SLC14A2: variants seen among roughly 807,000 people sequenced by gnomAD.
SLC14A2 encodes solute carrier family 14 member 2.
A neutral mutation model predicts 104.6 loss-of-function variants in SLC14A2; 91 were observed. The observed-to-expected ratio is 0.87, with a 90% confidence interval of 0.73 to 1.04. The LOEUF (loss-of-function observed/expected upper bound fraction) is 1.04. Ranked by LOEUF, SLC14A2 falls within the 50% of genes least tolerant of loss-of-function variation. SLC14A2 has a pLI of 0.00. For synonymous variants in SLC14A2, 476 were observed against 466.4 expected (o/e 1.02, Z -0.27); for missense variants, 1,189 against 1,156.0 (o/e 1.03, Z -0.41).
At chr18:45,497,735 C>G (rs73955840) in intron 2 of SLC14A2, among the ~76,000 whole-genome samples, 1 of 152,150 alleles carries the variant, frequency 6.6e-6, no homozygotes, top group African/African-American at 2.4e-5. Context: ...TATGCCACAT[C>G]CTGCCATGGG....
rs202128135 is a variant in SLC14A2 at position 45,378,916 on chromosome 18, A to G, written c.-124-104317A>G. 3.3e-5 allele frequency among the ~76,000 whole-genome samples: 5 copies of G among 152,264 alleles called. No homozygotes were observed. The East Asian group carries it at 7.7e-4, about 24-fold the overall frequency. On this transcript the variant is annotated intron_variant, in intron 1 of 20. Transcript: ENST00000586448. ...GTGAGCCACCGCTCCTGGTCGCTCA[A>G]TGCATTTTGATCAAATCAGCCTTAT...
At chr18:45,254,578 T>G (rs947533891) in intron 1 of SLC14A2, among the ~76,000 whole-genome samples, 4 of 152,188 alleles carry the variant, frequency 2.6e-5, no homozygotes, top group Admixed American at 6.5e-5. Flanking sequence ...TTTTCATGCT[T>G]TGAAGGCCTG....
intron 1 of SLC14A2, among the ~76,000 whole-genome samples, chr18:45,328,086 A>G (rs1205338918): frequency 1.3e-5 from 2 of 152,178 alleles, no homozygotes; most frequent in Non-Finnish European, 2.9e-5. Context: ...GAAGAAAAAA[A>G]AATGTTGTTC....
At chr18:45,496,006 C>A (rs1425535879) in intron 2 of SLC14A2, among the ~76,000 whole-genome samples, 1 of 152,182 alleles carries the variant, frequency 6.6e-6, no homozygotes, top group African/African-American at 2.4e-5. Flanking sequence ...TGTGGCAACA[C>A]CAGTTTCCTG....
At chr18:45,264,412 A>C (rs2084571195) in intron 1 of SLC14A2, among the ~76,000 whole-genome samples, 1 of 152,222 alleles carries the variant, frequency 6.6e-6, no homozygotes, top group Non-Finnish European at 1.5e-5. Context: ...TCTTTTGAGA[A>C]ATAAATTTAC....
chr18:45,507,625 A>T (rs1479924989), intron 2 of SLC14A2, among the ~76,000 whole-genome samples: 1 of 152,172 alleles, frequency 6.6e-6, no homozygotes, highest in Non-Finnish European at 1.5e-5. Flanking sequence ...GAGGCAGCCT[A>T]TTGAGCATGT....
intron 1 of SLC14A2, among the ~76,000 whole-genome samples, chr18:45,215,800 C>G (rs886108977): frequency 6.6e-6 from 1 of 152,096 alleles, no homozygotes; most frequent in Non-Finnish European, 1.5e-5. Context: ...TTCCCAGTAC[C>G]GGTTCTTTTT....
chr18:45,183,919 T>C, the SLC14A2 span, among the ~76,000 whole-genome samples: 1 of 129,924 alleles, frequency 7.7e-6, no homozygotes, highest in Non-Finnish European at 1.6e-5. Context: ...TTTTTTTTTT[T>C]TTTTTTTTTT....
chr18:45,389,878 T>C (rs935255740), intron 1 of SLC14A2, among the ~76,000 whole-genome samples: 1 of 152,188 alleles, frequency 6.6e-6, no homozygotes, highest in African/African-American at 2.4e-5. Context: ...TTGATGGATA[T>C]CCAAACTTTA....
chr18:45,472,593 T>C (rs1350138681), intron 1 of SLC14A2, among the ~76,000 whole-genome samples: 2 of 152,216 alleles, frequency 1.3e-5, no homozygotes, highest in African/African-American at 2.4e-5. Context: ...TGGTATCGCA[T>C]TGTGGTTTTG....
At chr18:45,216,165 A>G (rs2084008821) in intron 1 of SLC14A2, among the ~76,000 whole-genome samples, 1 of 152,198 alleles carries the variant, frequency 6.6e-6, no homozygotes, top group African/African-American at 2.4e-5. Context: ...TATTCCAATC[A>G]AGGCCAATTC....
intron 2 of SLC14A2, among the ~76,000 whole-genome samples, chr18:45,546,967 ACCAT>A (rs2043980622): frequency 6.6e-6 from 1 of 152,136 alleles, no homozygotes; most frequent in African/African-American, 2.4e-5. Flanking sequence ...ACATAATCAA[ACCAT>A]GCCCAGCCTT....
rs11872900 is a variant in SLC14A2 at position 45,660,632 on chromosome 18, T to C, written c.1352-3153T>C. On this transcript the variant is annotated intron_variant, in intron 10 of 19. Coordinates refer to ENST00000255226, the MANE Select transcript of SLC14A2 (RefSeq NM_007163.4). The stretch of plus-strand genomic sequence containing the variant: ...TCTGGGAGAATTTCATGCCTGCCAT[T>C]GAGGAAACTGTCAGTGGGATTATGT... 8.1e-3 allele frequency among the ~76,000 whole-genome samples: 1,236 copies of C among 152,338 alleles called. 8 individuals carry two copies. The highest frequency in any genetic ancestry group is 0.028 in the African/African-American group (1,174 of 41,554).
chr18:45,493,957 C>T (rs1173670536), intron 2 of SLC14A2, among the ~76,000 whole-genome samples: 3 of 152,208 alleles, frequency 2.0e-5, no homozygotes, highest in African/African-American at 7.2e-5. Context: ...TCCTTAATCA[C>T]CTAAATGGAA....
At chr18:45,543,780 T>G (rs1287252484) in intron 2 of SLC14A2, among the ~76,000 whole-genome samples, 2 of 152,236 alleles carry the variant, frequency 1.3e-5, no homozygotes, top group Non-Finnish European at 2.9e-5. Context: ...GGCCTTTGGC[T>G]GGTGTCAAGG....
intron 2 of SLC14A2, among the ~76,000 whole-genome samples, chr18:45,545,794 T>C (rs1248638588): frequency 6.6e-6 from 1 of 152,230 alleles, no homozygotes; most frequent in Non-Finnish European, 1.5e-5. Flanking sequence ...GACTCTAGTT[T>C]AATTGTGCGA....
chr18:45,589,749 G>A (rs552229451), intron 2 of SLC14A2, among the ~76,000 whole-genome samples: 39 of 152,226 alleles, frequency 2.6e-4, no homozygotes, highest in African/African-American at 6.5e-4. Context: ...ATATACTGTC[G>A]TTTCAGACTA....
At chr18:45,582,666 CAGAGAGCTTT>C (rs1202918112) in intron 2 of SLC14A2, among the ~76,000 whole-genome samples, 2 of 152,152 alleles carry the variant, frequency 1.3e-5, no homozygotes, top group Non-Finnish European at 2.9e-5. Flanking sequence ...CTGGGTCACA[CAGAGAGCTTT>C]CTGACCATGT....
the SLC14A2 span, among the ~76,000 whole-genome samples, chr18:45,203,201 G>A: frequency 6.6e-6 from 1 of 152,308 alleles, no homozygotes; most frequent in African/African-American, 2.4e-5. Flanking sequence ...GAGTGGGGAA[G>A]GACTGAGTGA....
Sources: allele counts gnomAD v4.1 joint callset (sites outside exome capture counted in the v4.1 genomes callset), GRCh38; gene constraint gnomAD v4.1.1; transcripts MANE v1.5; gene names NCBI Gene and HGNC (gene_info 2026-07-23, HGNC 2026-07-21).